Variants in THRB observed in about 807,000 individuals in gnomAD.
The protein encoded by THRB is nuclear receptor subfamily 1 group A member 2.
Under a neutral mutation model 47.8 loss-of-function variants are expected in THRB, and 12 were observed. The ratio of observed to expected loss-of-function variants is 0.25; its 90% confidence interval spans 0.16 to 0.41. The LOEUF is 0.41. Among genes scored for constraint, THRB ranks in the 10% least tolerant of loss-of-function variants. The pLI, the probability that THRB is intolerant of heterozygous loss-of-function variation, is 1.00. For missense variants in THRB, 348 were observed against 589.2 expected (o/e 0.59, Z 4.24); for synonymous variants, 218 against 212.2 (o/e 1.03, Z -0.24).
At chr3:24,464,093 A>C (rs2073931456) in intron 1 of THRB, among the ~76,000 whole-genome samples, 4 of 152,100 alleles carry the variant, frequency 2.6e-5, no homozygotes, top group Non-Finnish European at 5.9e-5. Flanking sequence ...AAAAATACAA[A>C]AAATTAGCCG....
At chr3:24,448,319 T>A (rs77542032) in intron 1 of THRB, among the ~76,000 whole-genome samples, 3,121 of 152,282 alleles carry the variant, frequency 0.02, 137 homozygotes, top group East Asian at 0.19. Flanking sequence ...ATGCTATTTT[T>A]AAAAAATCTT....
At chr3:24,442,299 A>G (rs1331582102) in intron 1 of THRB, among the ~76,000 whole-genome samples, 1 of 152,202 alleles carries the variant, frequency 6.6e-6, no homozygotes, top group Non-Finnish European at 1.5e-5. Context: ...ATATCCTCAC[A>G]ATCGGATGAG....
intron 5 of THRB, among the ~76,000 whole-genome samples, chr3:24,157,244 C>G (rs73823209): frequency 6.6e-6 from 1 of 151,932 alleles, no homozygotes; most frequent in Admixed American, 6.6e-5. Context: ...CTTGGAGTCT[C>G]TTTCTTTACA....
At chr3:24,243,724 T>C (rs1488251612) in intron 3 of THRB, among the ~76,000 whole-genome samples, 1 of 152,112 alleles carries the variant, frequency 6.6e-6, no homozygotes. Context: ...CTGCTGCTGT[T>C]GTTGACTGTT....
Position 24,158,841 on chromosome 3 carries a change from CCTCTCTCT to C in THRB, c.284-6359_284-6352del, listed in dbSNP as rs10530553. Among the ~76,000 whole-genome samples, 554 of 147,218 alleles carry C rather than the reference CCTCTCTCT, an allele frequency of 3.8e-3. 2 individuals are homozygous for C. The highest frequency in any genetic ancestry group is 9.9e-3 in the African/African-American group (401 of 40,522). On this transcript the variant is annotated intron_variant, in intron 5 of 10. Coordinates refer to ENST00000646209, the MANE Select transcript of THRB (RefSeq NM_001354712.2). The stretch of plus-strand genomic sequence containing the variant: ...AAGCAGCCATTGTAAGACAGCTCTT[CCTCTCTCT>C]CTCTCTCTCTCTCTCTCTCTCTCGC...
At chr3:24,305,085 C>T (rs1357072322) in intron 2 of THRB, among the ~76,000 whole-genome samples, 3 of 152,158 alleles carry the variant, frequency 2.0e-5, no homozygotes, top group African/African-American at 7.2e-5. Flanking sequence ...AATTCCAATG[C>T]TATTTAAACT....
At chr3:24,366,398 C>G (rs1205644881) in intron 1 of THRB, among the ~76,000 whole-genome samples, 1 of 152,114 alleles carries the variant, frequency 6.6e-6, no homozygotes, top group East Asian at 1.9e-4. Flanking sequence ...CAGTCATGAC[C>G]AGGTGGTAGC....
chr3:24,373,565 G>C (rs2065064708), intron 1 of THRB, among the ~76,000 whole-genome samples: 1 of 152,052 alleles, frequency 6.6e-6, no homozygotes, highest in Non-Finnish European at 1.5e-5. Flanking sequence ...ACCTCGATGA[G>C]CCCTCTATGA....
chr3:24,243,379 CCTCT>C (rs1190085492), intron 3 of THRB, among the ~76,000 whole-genome samples: 10 of 152,112 alleles, frequency 6.6e-5, no homozygotes, highest in Non-Finnish European at 1.2e-4. Flanking sequence ...GCCCCATCTG[CCTCT>C]CTGTCTCTCC....
intron 1 of THRB, among the ~76,000 whole-genome samples, chr3:24,373,829 T>A (rs2065082586): frequency 6.6e-6 from 1 of 152,088 alleles, no homozygotes; most frequent in Non-Finnish European, 1.5e-5. Flanking sequence ...CCAATACCAG[T>A]GGCCATACTG....
chr3:24,492,856 A>T (rs1698378679), intron 1 of THRB, among the ~76,000 whole-genome samples: 1 of 152,222 alleles, frequency 6.6e-6, no homozygotes, highest in Non-Finnish European at 1.5e-5. Context: ...TGCCAACAGG[A>T]ATTATTTCAC....
chr3:24,191,312 G>T (rs2043309036), intron 4 of THRB, among the ~76,000 whole-genome samples: 1 of 150,958 alleles, frequency 6.6e-6, no homozygotes, highest in Non-Finnish European at 1.5e-5. Context: ...AATCCATCTG[G>T]TCATCCATAT....
At chr3:24,185,628 C>T (rs886886548) in intron 5 of THRB, among the ~76,000 whole-genome samples, 12 of 152,114 alleles carry the variant, frequency 7.9e-5, no homozygotes, top group African/African-American at 2.9e-4. Flanking sequence ...CTGAGTCCAC[C>T]AGGGAGGTGG....
At chr3:24,470,420 T>C (rs1560268217) in intron 1 of THRB, among the ~76,000 whole-genome samples, 1 of 152,234 alleles carries the variant, frequency 6.6e-6, no homozygotes, top group Non-Finnish European at 1.5e-5. Flanking sequence ...TTCCACCATG[T>C]ACTAGCTATG....
At chr3:24,485,403 C>T (rs1167052838) in intron 1 of THRB, among the ~76,000 whole-genome samples, 2 of 152,048 alleles carry the variant, frequency 1.3e-5, no homozygotes, top group African/African-American at 4.8e-5. Flanking sequence ...AAATCTGTTC[C>T]CAAAGACATC....
At chr3:24,275,452 C>A (rs1324146987) in intron 3 of THRB, among the ~76,000 whole-genome samples, 2 of 152,066 alleles carry the variant, frequency 1.3e-5, no homozygotes, top group Non-Finnish European at 2.9e-5. Context: ...CAGTTAGGCA[C>A]CTTTGTGGCT....
intron 1 of THRB, among the ~76,000 whole-genome samples, chr3:24,461,552 T>G (rs1427264990): frequency 6.6e-6 from 1 of 152,236 alleles, no homozygotes. Flanking sequence ...AATAGAGATG[T>G]GGCTAATTAA....
In THRB at chr3:24,117,223, T is replaced by C. The variant is rs1309407545; in HGVS notation, c.*5661A>G. On this transcript the variant is annotated 3_prime_UTR_variant, in exon 11 of 11. Transcript: ENST00000646209. ...AACTTGGAGATGAGCTTCCTCTGTG[T>C]GAAGGAGAACCGCTTGCTGTACTGA... The C allele has an allele frequency of 1.3e-5, 2 of 152,224 alleles. No individual in the cohort carries two copies. Among genetic ancestry groups the C allele is most frequent in the African/African-American group, 4.8e-5 (2 of 41,458 alleles). The allele number at this position is 152,224 out of a possible 1,614,324, so 9.4% of individuals were successfully genotyped here. A position where few individuals can be genotyped will look rare whatever the true frequency, so the allele number is the denominator to read the frequency against.
intron 5 of THRB, among the ~76,000 whole-genome samples, chr3:24,161,224 G>C (rs1374171699): frequency 6.6e-6 from 1 of 152,238 alleles, no homozygotes; most frequent in Admixed American, 6.5e-5. Context: ...AACAGCATGT[G>C]TGTGGCAGTA....
Sources: allele counts gnomAD v4.1 joint callset (sites outside exome capture counted in the v4.1 genomes callset), GRCh38; gene constraint gnomAD v4.1.1; transcripts MANE v1.5; gene names NCBI Gene and HGNC (gene_info 2026-07-23, HGNC 2026-07-21).